The following DLG2 variants were observed in gnomAD, a reference collection of about 807,000 sequenced individuals.
The protein encoded by DLG2 is discs large MAGUK scaffold protein 2.
DLG2 carries 45 observed loss-of-function variants against 132.5 expected under a neutral mutation model. That is an observed-to-expected ratio of 0.34 (90% confidence interval 0.27 to 0.44). The LOEUF is 0.44. Ranked by LOEUF, DLG2 falls within the 20% of genes least tolerant of loss-of-function variation. The pLI, the probability that DLG2 is intolerant of heterozygous loss-of-function variation, is 1.00. For missense variants in DLG2, 1,045 were observed against 1,196.9 expected (o/e 0.87, Z 1.87); for synonymous variants, 424 against 419.6 (o/e 1.01, Z -0.13).
intron 7 of DLG2, among the ~76,000 whole-genome samples, chr11:84,402,271 C>G (rs1293029028): frequency 6.6e-6 from 1 of 152,072 alleles, no homozygotes; most frequent in Non-Finnish European, 1.5e-5. Context: ...TAAAATGTAT[C>G]TATATTATTT....
At chr11:84,177,767 T>C (rs2096009879) in intron 8 of DLG2, among the ~76,000 whole-genome samples, 1 of 152,150 alleles carries the variant, frequency 6.6e-6, no homozygotes, top group Admixed American at 6.6e-5. Context: ...ATAAATGAAC[T>C]AGTAAATTAG....
At chr11:85,236,394 C>A (rs1043929860) in intron 4 of DLG2, among the ~76,000 whole-genome samples, 8 of 152,064 alleles carry the variant, frequency 5.3e-5, no homozygotes, top group African/African-American at 1.9e-4. Flanking sequence ...TGAGACCCCT[C>A]TCTTTTTGTC....
intron 3 of DLG2, among the ~76,000 whole-genome samples, chr11:85,500,809 G>C (rs2093783703): frequency 6.6e-6 from 1 of 152,214 alleles, no homozygotes; most frequent in Admixed American, 6.5e-5. Context: ...CTCATGGATA[G>C]GAAGAATCAA....
chr11:84,757,242 T>C (rs1164366328), intron 6 of DLG2, among the ~76,000 whole-genome samples: 5 of 152,108 alleles, frequency 3.3e-5, no homozygotes, highest in African/African-American at 9.7e-5. Context: ...AAAATGAAAG[T>C]AAGCATTTAG....
chr11:85,060,409 A>G (rs2063941392), intron 6 of DLG2, among the ~76,000 whole-genome samples: 1 of 150,596 alleles, frequency 6.6e-6, no homozygotes, highest in African/African-American at 2.4e-5. Flanking sequence ...ATAACATTAT[A>G]TATGTGTGTG....
chr11:84,072,263 C>CTAT (rs1328133830), intron 10 of DLG2, among the ~76,000 whole-genome samples: 5 of 152,190 alleles, frequency 3.3e-5, no homozygotes, highest in Non-Finnish European at 7.3e-5. Context: ...CTGTCTCTTG[C>CTAT]TATATAAGTA....
chr11:85,061,565 A>T (rs981003370), intron 6 of DLG2, among the ~76,000 whole-genome samples: 14 of 151,916 alleles, frequency 9.2e-5, no homozygotes, highest in African/African-American at 3.4e-4. Context: ...GTAAAAACTG[A>T]GGAAATTTAG....
At chr11:84,306,259 A>G (rs1228058371) in intron 7 of DLG2, among the ~76,000 whole-genome samples, 1 of 152,174 alleles carries the variant, frequency 6.6e-6, no homozygotes, top group Non-Finnish European at 1.5e-5. Context: ...CCATAAATAT[A>G]TAAATTATTA....
intron 6 of DLG2, among the ~76,000 whole-genome samples, chr11:84,967,681 A>AT (rs1328100802): frequency 6.6e-6 from 1 of 152,108 alleles, no homozygotes; most frequent in African/African-American, 2.4e-5. Flanking sequence ...GATAATTAAG[A>AT]TAAAAAACTG....
chr11:84,713,539 C>A (rs959851596), intron 6 of DLG2, among the ~76,000 whole-genome samples: 13 of 151,942 alleles, frequency 8.6e-5, no homozygotes, highest in Non-Finnish European at 1.5e-5. Context: ...TGAGGTGATA[C>A]AAAGCAATAT....
At chr11:84,467,603 T>C (rs2099097888) in intron 7 of DLG2, among the ~76,000 whole-genome samples, 1 of 151,402 alleles carries the variant, frequency 6.6e-6, no homozygotes, top group East Asian at 1.9e-4. Context: ...CCCTTTTACA[T>C]TAAAACACAC....
chr11:84,095,866 T>C (rs1231910405), intron 10 of DLG2, among the ~76,000 whole-genome samples: 2 of 152,200 alleles, frequency 1.3e-5, no homozygotes, highest in South Asian at 2.1e-4. Context: ...AGGTTGTTTA[T>C]TGTACAACCT....
At chr11:83,798,955 G>A (rs956284820) in intron 17 of DLG2, among the ~76,000 whole-genome samples, 2 of 152,128 alleles carry the variant, frequency 1.3e-5, no homozygotes, top group Admixed American at 1.3e-4. Flanking sequence ...TGAAGGTGCT[G>A]GGCCACACCA....
chr11:84,268,674 G>A (rs926302429), intron 7 of DLG2, among the ~76,000 whole-genome samples: 3 of 151,594 alleles, frequency 2.0e-5, no homozygotes, highest in African/African-American at 7.3e-5. Context: ...AGTTAGCCAC[G>A]ATGGTCTTGA....
chr11:85,255,406 T>C (rs976677524), intron 4 of DLG2, among the ~76,000 whole-genome samples: 31 of 152,228 alleles, frequency 2.0e-4, no homozygotes, highest in Non-Finnish European at 3.7e-4. Flanking sequence ...TAATTATGTA[T>C]ATAAACTGCA....
intron 7 of DLG2, among the ~76,000 whole-genome samples, chr11:84,453,052 T>G (rs986244033): frequency 2.0e-5 from 3 of 151,526 alleles, no homozygotes; most frequent in African/African-American, 7.3e-5. Flanking sequence ...AATATGTATA[T>G]CTACTATGTA....
At chr11:84,388,572 A>G (rs1329476848) in intron 7 of DLG2, among the ~76,000 whole-genome samples, 1 of 152,070 alleles carries the variant, frequency 6.6e-6, no homozygotes, top group African/African-American at 2.4e-5. Context: ...AAATTTAAAC[A>G]TTTTAGATTA....
intron 6 of DLG2, among the ~76,000 whole-genome samples, chr11:84,905,794 C>T (rs905423265): frequency 6.6e-6 from 1 of 152,160 alleles, no homozygotes; most frequent in Non-Finnish European, 1.5e-5. Context: ...TTTACTCCAT[C>T]TCTTTCTTTT....
chr11:83,693,088 T>C (rs1566563481), intron 18 of DLG2: 2 of 152,202 alleles, frequency 1.3e-5, no homozygotes, highest in African/African-American at 4.8e-5. Context: ...AAGCTTCTAA[T>C]TGTTTAAACC....
Sources: allele counts gnomAD v4.1 joint callset (sites outside exome capture counted in the v4.1 genomes callset), GRCh38; gene constraint gnomAD v4.1.1; transcripts MANE v1.5; gene names NCBI Gene and HGNC (gene_info 2026-07-23, HGNC 2026-07-21).